ERC2: variants seen among roughly 807,000 people sequenced by gnomAD.
ERC2 encodes the protein ERC protein 2.
Under a neutral mutation model 114.8 loss-of-function variants are expected in ERC2, and 42 were observed. The ratio of observed to expected loss-of-function variants is 0.37; its 90% confidence interval spans 0.29 to 0.47. The LOEUF is 0.47. Among genes scored for constraint, ERC2 ranks in the 20% least tolerant of loss-of-function variants. ERC2 has a pLI of 0.99. For missense variants in ERC2, 939 were observed against 1,150.7 expected, an observed-to-expected ratio of 0.82 and a Z score of 2.66; for synonymous variants, 454 against 425.5, an observed-to-expected ratio of 1.07 and a Z score of -0.82.
intron 2 of ERC2, among the ~76,000 whole-genome samples, chr3:56,302,215 T>C (rs1400431635): frequency 6.6e-6 from 1 of 152,146 alleles, no homozygotes; most frequent in Non-Finnish European, 1.5e-5. Flanking sequence ...GACTCAGTCC[T>C]GGTATGTATT....
chr3:56,353,769 C>T (rs909084643), intron 2 of ERC2, among the ~76,000 whole-genome samples: 8 of 150,048 alleles, frequency 5.3e-5, no homozygotes, highest in African/African-American at 1.7e-4. Flanking sequence ...CAAACCCTCA[C>T]GTTGTGCACA....
chr3:55,868,344 T>G (rs2149276702), intron 14 of ERC2, among the ~76,000 whole-genome samples: 1 of 152,360 alleles, frequency 6.6e-6, no homozygotes, highest in Non-Finnish European at 1.5e-5. Context: ...ATCCACTGGA[T>G]TCCTGTAAAC....
At chr3:56,362,301 A>G (rs1194420127) in intron 2 of ERC2, among the ~76,000 whole-genome samples, 2 of 152,226 alleles carry the variant, frequency 1.3e-5, no homozygotes, top group Non-Finnish European at 2.9e-5. Flanking sequence ...TGTTTTATAG[A>G]TAAGGAAAAC....
intron 7 of ERC2, among the ~76,000 whole-genome samples, chr3:56,057,519 T>C (rs991230667): frequency 2.0e-5 from 3 of 152,228 alleles, no homozygotes; most frequent in African/African-American, 7.2e-5. Context: ...TGTTCTGGCA[T>C]AGCTGCATGG....
chr3:55,631,972 C>A (rs544045604), intron 17 of ERC2, among the ~76,000 whole-genome samples: 1 of 152,204 alleles, frequency 6.6e-6, no homozygotes, highest in South Asian at 2.1e-4. Flanking sequence ...GAAACTGATG[C>A]TTTGAGATAT....
chr3:55,985,843 T>A, intron 12 of ERC2, 134 bp downstream of exon 12: 1 of 742,376 alleles, frequency 1.3e-6, no homozygotes, highest in Non-Finnish European at 2.2e-6. Flanking sequence ...TCCCAAGGCA[T>A]GGAATGAAAT....
At chr3:56,273,487 C>T (rs1348085974) in intron 3 of ERC2, among the ~76,000 whole-genome samples, 1 of 151,900 alleles carries the variant, frequency 6.6e-6, no homozygotes, top group Non-Finnish European at 1.5e-5. Context: ...TCAAGCAATC[C>T]TCTCATCTCA....
chr3:55,601,792 AC>A (rs2148530896), intron 17 of ERC2, among the ~76,000 whole-genome samples: 1 of 152,314 alleles, frequency 6.6e-6, no homozygotes, highest in African/African-American at 2.4e-5. Flanking sequence ...ACACCACTGC[AC>A]TCTAGACTGG....
intron 3 of ERC2, among the ~76,000 whole-genome samples, chr3:56,205,230 T>C (rs2048650008): frequency 6.6e-6 from 1 of 152,172 alleles, no homozygotes; most frequent in South Asian, 2.1e-4. Flanking sequence ...TTTCAGGCCA[T>C]GGACGACTAA....
At chr3:56,223,989 A>C (rs185257578) in intron 3 of ERC2, among the ~76,000 whole-genome samples, 1 of 152,348 alleles carries the variant, frequency 6.6e-6, no homozygotes, top group Non-Finnish European at 1.5e-5. Flanking sequence ...AAAAAATGAC[A>C]TATAGATTTT....
chr3:56,135,710 C>G (rs1233518589), intron 6 of ERC2, among the ~76,000 whole-genome samples: 1 of 152,194 alleles, frequency 6.6e-6, no homozygotes, highest in Non-Finnish European at 1.5e-5. Flanking sequence ...CCACACATCT[C>G]CCACTTCTAA....
intron 14 of ERC2, among the ~76,000 whole-genome samples, chr3:55,774,615 C>T (rs73076938): frequency 0.16 from 23,759 of 152,170 alleles, 2,027 homozygotes; most frequent in East Asian, 0.22. Flanking sequence ...CCTTCAGAGG[C>T]TCGGATCTCC....
At chr3:55,530,737 G>GAGCAC (rs1173320039) in intron 17 of ERC2, among the ~76,000 whole-genome samples, 1 of 152,200 alleles carries the variant, frequency 6.6e-6, no homozygotes, top group Non-Finnish European at 1.5e-5. Context: ...GTTGGAAATA[G>GAGCAC]AGCACCTGTG....
intron 15 of ERC2, among the ~76,000 whole-genome samples, chr3:55,712,951 C>T (rs1260665317): frequency 6.6e-6 from 1 of 152,132 alleles, no homozygotes; most frequent in African/African-American, 2.4e-5. Flanking sequence ...TAAGTCTTCA[C>T]ATGTGTCCTT....
chr3:55,991,963 G>T (rs981505913), intron 11 of ERC2, 94 bp downstream of exon 11: 12 of 1,082,364 alleles, frequency 1.1e-5, no homozygotes, highest in Non-Finnish European at 1.5e-5. Context: ...CTTGTAATAT[G>T]AATGTACAGT....
At chr3:55,766,779 C>G (rs1288656811) in intron 14 of ERC2, 1 of 152,200 alleles carries the variant, frequency 6.6e-6, no homozygotes, top group Non-Finnish European at 1.5e-5. Context: ...GACTATAACC[C>G]AGAATTCACC....
At chr3:55,744,803 T>A (rs1209237874) in intron 14 of ERC2, among the ~76,000 whole-genome samples, 3 of 152,254 alleles carry the variant, frequency 2.0e-5, no homozygotes, top group Admixed American at 6.5e-5. Context: ...TGTCCAATTC[T>A]TTGTTCAAAA....
intron 6 of ERC2, among the ~76,000 whole-genome samples, chr3:56,118,205 G>A (rs191815231): frequency 5.5e-4 from 83 of 152,282 alleles, no homozygotes; most frequent in Non-Finnish European, 1.0e-3. Flanking sequence ...GGACCATGCT[G>A]AGCACATGCT....
At chr3:55,833,715 C>A (rs1429007989) in intron 14 of ERC2, among the ~76,000 whole-genome samples, 12 of 152,048 alleles carry the variant, frequency 7.9e-5, no homozygotes, top group African/African-American at 2.7e-4. Context: ...CGAGCAAAAT[C>A]ACCAGCTAAC....
Sources: allele counts gnomAD v4.1 joint callset (sites outside exome capture counted in the v4.1 genomes callset), GRCh38; gene constraint gnomAD v4.1.1; transcripts MANE v1.5; gene names NCBI Gene and HGNC (gene_info 2026-07-23, HGNC 2026-07-21).